Variants in FXYD3 observed in about 807,000 individuals in gnomAD.
FXYD3 encodes FXYD domain containing ion transport regulator 3.
A neutral mutation model predicts 19.2 loss-of-function variants in FXYD3; 13 were observed. That is an observed-to-expected ratio of 0.68 (90% CI 0.44 to 1.08). FXYD3 has a LOEUF of 1.08. Among genes scored for constraint, FXYD3 ranks in the 50% least tolerant of loss-of-function variants. The pLI is 0.00. For missense variants in FXYD3, 101 were observed against 109.4 expected (o/e 0.92, Z 0.34); for synonymous variants, 48 against 38.9 (o/e 1.23, Z -0.87).
intron 3 of FXYD3, among the ~76,000 whole-genome samples, chr19:35,120,185 G>C (rs539769450): frequency 6.6e-6 from 1 of 151,368 alleles, no homozygotes; most frequent in South Asian, 2.1e-4. Flanking sequence ...TGTTGCCCAG[G>C]CTGGAGTGCA....
At chr19:35,121,004 TC>T (rs1320919668) in intron 3 of FXYD3, 73 bp from the exon 4 acceptor site, 5 of 1,561,374 alleles carry the variant, frequency 3.2e-6, no homozygotes, top group Non-Finnish European at 4.4e-6. Flanking sequence ...CCCCTGAAAC[TC>T]CCCAGGCCCT....
At chr19:35,120,000 A>G (rs2065003927) in intron 3 of FXYD3, 1 of 152,360 alleles carries the variant, frequency 6.6e-6, no homozygotes, top group South Asian at 2.1e-4. Flanking sequence ...AAATAACGGA[A>G]GCTAGAGAAG....
At chr19:35,120,346 G>T (rs531044202) in intron 3 of FXYD3, among the ~76,000 whole-genome samples, 1 of 151,904 alleles carries the variant, frequency 6.6e-6, no homozygotes. Context: ...CACCATATTG[G>T]CCAGGCTGGT....
At position 35,119,463 on chromosome 19, in the gene FXYD3, G is replaced by T. The variant is rs1265120633; in HGVS notation, c.40+47G>T. 4 of 1,519,080 alleles carry T rather than the reference G, an allele frequency of 2.6e-6. No individual in the cohort carries two copies. The African/African-American group carries it at 5.5e-5, about 21-fold the overall frequency. The allele number at this position is 1,519,080 out of a possible 1,614,324, so 94.1% of individuals were successfully genotyped here. A position where few individuals can be genotyped will look rare whatever the true frequency, so the allele number is the denominator to read the frequency against. On this transcript the variant is annotated intron_variant, in intron 3 of 8. Coordinates refer to ENST00000604404, the MANE Select transcript of FXYD3 (RefSeq NM_005971.4). Reference sequence around the variant, plus strand: ...GCCTTTTCCTCTGGATCCCCTGGATGCGGGGATCCAACCTCTGTCTCTCTC... The same window carrying T: ...GCCTTTTCCTCTGGATCCCCTGGATTCGGGGATCCAACCTCTGTCTCTCTC...
intron 4 of FXYD3, 54 bp downstream of exon 4, chr19:35,121,164 G>A (rs1425563936): frequency 2.5e-6 from 4 of 1,614,096 alleles, no homozygotes; most frequent in Non-Finnish European, 3.4e-6. Context: ...CCCTGGGTGG[G>A]GAAGGCCTGC....
Position 35,121,240 on chromosome 19 carries a change from A to G in FXYD3, c.92A>G (p.Tyr31Cys), listed in dbSNP as rs1412625857. ...NDLEDKNSPF[Y>C]YDWHSLQVGG... The stretch of plus-strand genomic sequence containing the variant: ...CTTGCAGATAAAAACAGTCCTTTCT[A>G]CTATGGTGAGAGCCCGTGCCCCCTT... The change falls in exon 5 of 9, where the codon TAC becomes TGC. Residue 31 changes from tyrosine to cysteine, a missense_variant. By Grantham distance (194) the Tyr-to-Cys change is radical (BLOSUM62 -2). Coordinates refer to ENST00000604404, the MANE Select transcript of FXYD3 (RefSeq NM_005971.4). 2 of 1,613,826 alleles carry G rather than the reference A, an allele frequency of 1.2e-6. No individual in the cohort carries two copies. Among genetic ancestry groups the G allele is most frequent in the Non-Finnish European group, 1.7e-6 (2 of 1,179,870 alleles).
chr19:35,123,007 G>T, intron 7 of FXYD3, 53 bp downstream of exon 7: 5 of 1,530,446 alleles, frequency 3.3e-6, no homozygotes, highest in Non-Finnish European at 4.4e-6. Context: ...GCTTTTCAGG[G>T]TGAAAGGGCT....
rs1568389731 is a variant in FXYD3 at position 35,123,594 on chromosome 19, CCTCTCGCAAGAGGGTCT to C, written c.*140_*156del. On this transcript the variant is annotated 3_prime_UTR_variant, in exon 9 of 9. Transcript: ENST00000604404. ...CTTTGCATGGCAGGGCCTCATCTCA[CCTCTCGCAAGAGGGTCT>C]CTTTGTTCAATTTTTTTTAATCTAA... 2.3e-6 allele frequency: 2 copies of C among 857,160 alleles called. No individual in the cohort carries two copies. 53.1% of individuals were successfully genotyped at this position (857,160 alleles called of 1,614,324 possible). A position where few individuals can be genotyped will look rare whatever the true frequency, so the allele number is the denominator to read the frequency against.
intron 5 of FXYD3, 112 bp from the exon 6 acceptor site, chr19:35,122,652 TG>T: frequency 1.3e-6 from 1 of 798,366 alleles, no homozygotes; most frequent in East Asian, 2.5e-5. Flanking sequence ...CTTATGGCGG[TG>T]TCCCCAGCAC....
chr19:35,118,729 G>C lies in FXYD3; in HGVS notation c.-14-634G>C, dbSNP rs1264508177. On this transcript the variant is annotated intron_variant, in intron 2 of 8. Transcript: ENST00000604404. ...GATGGAGCTAGGGCTGCAGCCAGGA[G>C]GTAGAGTCCCCCTCTACCCCCAGTC... The C allele has an allele frequency of 1.0e-5, 3 of 292,872 alleles. No homozygotes were observed. The Admixed American group carries it at 1.6e-4, about 15-fold the overall frequency. The allele number at this position is 292,872 out of a possible 1,614,324, so 18.1% of individuals were successfully genotyped here. A position where few individuals can be genotyped will look rare whatever the true frequency, so the allele number is the denominator to read the frequency against.
Position 35,116,318 on chromosome 19 carries a change from G to A in FXYD3, c.-56G>A, listed in dbSNP as rs916030243. The A allele has an allele frequency of 2.0e-6, 2 of 985,350 alleles. No homozygotes were observed. Among genetic ancestry groups the A allele is most frequent in the South Asian group, 4.7e-5 (1 of 21,286 alleles). 61.0% of individuals were successfully genotyped at this position (985,350 alleles called of 1,614,324 possible). A position where few individuals can be genotyped will look rare whatever the true frequency, so the allele number is the denominator to read the frequency against. ...AACGCAGGACTCCGCCTGGCAGCCC[G>A]ATTTCTCCCGGAACCTCTGCTCAGC... is the stretch of plus-strand genomic sequence containing the variant. On this transcript the variant is annotated 5_prime_UTR_variant, in exon 2 of 9. Coordinates refer to ENST00000604404, the MANE Select transcript of FXYD3 (RefSeq NM_005971.4).
rs1333389345 is a variant in FXYD3, at chr19:35,121,607, C to A, written c.97+362C>A. The A allele has an allele frequency of 3.3e-6, 4 of 1,213,692 alleles. No homozygotes were observed. The African/African-American group carries it at 6.1e-5, about 19-fold the overall frequency. 75.2% of individuals were successfully genotyped at this position (1,213,692 alleles called of 1,614,324 possible). A position where few individuals can be genotyped will look rare whatever the true frequency, so the allele number is the denominator to read the frequency against. On this transcript the variant is annotated intron_variant, in intron 5 of 8. Coordinates refer to ENST00000604404, the MANE Select transcript of FXYD3 (RefSeq NM_005971.4). ...CCTCCAGGTTCCAATGACCTGCTCC[C>A]TACTCCCCGCTCTGCCCTCACCTCT...
intron 2 of FXYD3, 158 bp from the exon 3 acceptor site, chr19:35,119,205 T>C: frequency 6.3e-7 from 1 of 1,580,414 alleles, no homozygotes; most frequent in Non-Finnish European, 8.6e-7. Context: ...ACGGTGCAGC[T>C]GCGGCTTATC....
intron 2 of FXYD3, chr19:35,116,584 G>C: frequency 1.0e-6 from 1 of 985,332 alleles, no homozygotes; most frequent in Non-Finnish European, 1.2e-6. Context: ...GCTGAGGTGA[G>C]GGCAGGACTG....
Position 35,122,822 on chromosome 19 carries a change from GCAT to G in FXYD3, c.163_165del (p.Ile55del). The stretch of plus-strand genomic sequence containing the variant: ...TGCGCTGGGGTTCTGTGCGCCATGG[GCAT>G]CATCATCGTCATGAGTGAGTGGAGG... On this transcript the variant is annotated inframe_deletion, in exon 6 of 9. Transcript: ENST00000604404. 1 of 1,614,040 alleles carries G rather than the reference GCAT, an allele frequency of 6.2e-7. No individual in the cohort carries two copies. Among genetic ancestry groups the G allele is most frequent in the Non-Finnish European group, 8.5e-7 (1 of 1,180,020 alleles).
chr19:35,116,585 G>A, intron 2 of FXYD3: 1 of 985,308 alleles, frequency 1.0e-6, no homozygotes, highest in South Asian at 4.7e-5. Flanking sequence ...CTGAGGTGAG[G>A]GCAGGACTGA....
Position 35,119,445 on chromosome 19 carries a change from C to T in FXYD3, c.40+29C>T, listed in dbSNP as rs771696799. 8 of 1,604,668 alleles carry T rather than the reference C, an allele frequency of 5.0e-6. No individual in the cohort carries two copies. In the South Asian group the frequency reaches 6.6e-5, roughly 13 times the overall value. ...AGTACCCATCCCCCGTCTGCCTTTTCCTCTGGATCCCCTGGATGCGGGGAT... is the reference window on the plus strand; with the variant it reads ...AGTACCCATCCCCCGTCTGCCTTTTTCTCTGGATCCCCTGGATGCGGGGAT... On this transcript the variant is annotated intron_variant, in intron 3 of 8. Transcript: ENST00000604404.
At chr19:35,120,359 C>T (rs2065014690) in intron 3 of FXYD3, among the ~76,000 whole-genome samples, 1 of 152,104 alleles carries the variant, frequency 6.6e-6, no homozygotes, top group Non-Finnish European at 1.5e-5. Context: ...AGGCTGGTCT[C>T]GAACTCCTGA....
At chr19:35,120,360 G>A (rs571607118) in intron 3 of FXYD3, among the ~76,000 whole-genome samples, 1 of 152,114 alleles carries the variant, frequency 6.6e-6, no homozygotes, top group South Asian at 2.1e-4. Flanking sequence ...GGCTGGTCTC[G>A]AACTCCTGAC....
Sources: gnomAD v4.1 joint callset for allele counts (sites outside exome capture counted in the v4.1 genomes callset) on GRCh38, gnomAD v4.1.1 for gene constraint, MANE v1.5 for transcripts, NCBI Gene and HGNC (gene_info 2026-07-23, HGNC 2026-07-21) for gene names.